KIAA0825: variants seen among roughly 807,000 people sequenced by gnomAD.
The protein encoded by KIAA0825 is KIAA0825, also known as uncharacterized protein KIAA0825.
KIAA0825 carries 119 observed loss-of-function variants against 147.6 expected under a neutral mutation model. That is an observed-to-expected ratio of 0.81 (90% confidence interval 0.69 to 0.94). KIAA0825 has a LOEUF of 0.94. Ranked by LOEUF, KIAA0825 falls within the 40% of genes least tolerant of loss-of-function variation. The pLI is 0.00. For missense variants in KIAA0825, 1,381 were observed against 1,472.7 expected (o/e 0.94, Z 1.02); for synonymous variants, 470 against 518.1 (o/e 0.91, Z 1.26).
chr5:94,291,396 T>A (rs955587221), intron 20 of KIAA0825, among the ~76,000 whole-genome samples: 2 of 152,220 alleles, frequency 1.3e-5, no homozygotes, highest in South Asian at 4.1e-4. Flanking sequence ...TTGTTTTTTG[T>A]CAGGTTTGTC....
chr5:94,342,366 A>G (rs918792975), intron 20 of KIAA0825, among the ~76,000 whole-genome samples: 5 of 152,242 alleles, frequency 3.3e-5, no homozygotes, highest in African/African-American at 9.6e-5. Flanking sequence ...AGGTTACTGC[A>G]GAATATACAC....
At chr5:94,214,243 T>C (rs1773008122) in intron 20 of KIAA0825, among the ~76,000 whole-genome samples, 1 of 152,132 alleles carries the variant, frequency 6.6e-6, no homozygotes, top group South Asian at 2.1e-4. Flanking sequence ...TTCCCTGCAA[T>C]TAGTGTGCTG....
At chr5:94,321,553 T>A (rs1330210094) in intron 20 of KIAA0825, among the ~76,000 whole-genome samples, 1 of 152,026 alleles carries the variant, frequency 6.6e-6, no homozygotes, top group South Asian at 2.1e-4. Flanking sequence ...AAGTAAAGCA[T>A]GTAAACTTAA....
chr5:94,557,016 C>T (rs1193565265), intron 2 of KIAA0825, among the ~76,000 whole-genome samples: 1 of 152,208 alleles, frequency 6.6e-6, no homozygotes, highest in Non-Finnish European at 1.5e-5. Flanking sequence ...TCCTAGTTTT[C>T]CATCTTGTCA....
At chr5:94,264,251 G>A (rs565990635) in intron 20 of KIAA0825, among the ~76,000 whole-genome samples, 14 of 152,200 alleles carry the variant, frequency 9.2e-5, no homozygotes, top group East Asian at 5.8e-4. Context: ...CTGATCAGCC[G>A]GTTAGGATCT....
At position 94,477,118 on chromosome 5, in the gene KIAA0825, C is replaced by T. The variant is rs1380335139; in HGVS notation, c.1220G>A (p.Gly407Glu). 12 of 1,549,682 alleles carry T rather than the reference C, an allele frequency of 7.7e-6. No individual in the cohort carries two copies. The Admixed American group carries it at 2.0e-4, about 25-fold the overall frequency. ...TNIPSEQSLP[G>E]KEATLLDFGW... ...TCTTTTTCCTTCACTTACCTCTTTTCCTGGTAGTGATTGCTCGGAAGGAAT... is the reference window on the plus strand; with the variant it reads ...TCTTTTTCCTTCACTTACCTCTTTTTCTGGTAGTGATTGCTCGGAAGGAAT... Residue 407 changes from glycine to glutamate, a missense_variant, in exon 7 of 21, where the codon GGA (glycine) becomes GAA (glutamate). By Grantham distance (98) the Gly-to-Glu change is moderately conservative (BLOSUM62 -2). Transcript: ENST00000682413.
intron 2 of KIAA0825, among the ~76,000 whole-genome samples, chr5:94,537,365 C>G (rs1395299564): frequency 1.3e-5 from 2 of 152,072 alleles, no homozygotes; most frequent in Non-Finnish European, 2.9e-5. Flanking sequence ...TGTTTGAAAG[C>G]TGAGGGCCGG....
Position 94,580,594 on chromosome 5 carries a change from C to CATAA in KIAA0825, c.-2+1838_-2+1839insTTAT, listed in dbSNP as rs1584952113. Among the ~76,000 whole-genome samples the CATAA allele has an allele frequency of 9.9e-3, 1,083 of 108,928 alleles. 133 individuals are homozygous for CATAA. Among genetic ancestry groups the CATAA allele is most frequent in the Middle Eastern group, 0.02 (5 of 248 alleles). The allele number at this position is 108,928 out of a possible 152,430, so 71.5% of individuals were successfully genotyped here. ...TAGGTTTTTTAAAAAATGCATAACA[C>CATAA]GGCCGGGCGCGGTGGCTCACGCCTG... is the stretch of plus-strand genomic sequence containing the variant. On this transcript the variant is annotated intron_variant, in intron 2 of 20. Transcript: ENST00000682413.
intron 20 of KIAA0825, among the ~76,000 whole-genome samples, chr5:94,356,818 G>T (rs916708766): frequency 1.4e-5 from 2 of 138,732 alleles, no homozygotes; most frequent in African/African-American, 2.7e-5. Context: ...TCCGCCTCCC[G>T]GGTTCAAGAG....
chr5:94,302,294 G>A (rs564188841), intron 20 of KIAA0825, among the ~76,000 whole-genome samples: 3 of 152,124 alleles, frequency 2.0e-5, no homozygotes, highest in Admixed American at 1.3e-4. Context: ...CACAGCCCGC[G>A]TCACTCTTCA....
chr5:94,519,382 T>G (rs1554298225), intron 5 of KIAA0825: 1 of 897,562 alleles, frequency 1.1e-6, no homozygotes, highest in South Asian at 5.2e-5. Context: ...CCTCAGATTT[T>G]ATATAAAAGC....
At chr5:94,616,543 C>T (rs938826093) in intron 1 of KIAA0825, among the ~76,000 whole-genome samples, 4 of 152,138 alleles carry the variant, frequency 2.6e-5, no homozygotes, top group South Asian at 2.1e-4. Context: ...CACACACACA[C>T]ACATGCACAC....
chr5:94,313,703 C>T (rs1414780735), intron 20 of KIAA0825, among the ~76,000 whole-genome samples: 5 of 151,174 alleles, frequency 3.3e-5, no homozygotes, highest in Admixed American at 1.3e-4. Context: ...GATTATTTTC[C>T]CCCCTCCTGG....
At chr5:94,356,725 C>CTTTTTCTTTT in intron 20 of KIAA0825, among the ~76,000 whole-genome samples, 1 of 116,722 alleles carries the variant, frequency 8.6e-6, no homozygotes. Context: ...AACTTGATTT[C>CTTTTTCTTTT]TTTTTTTTTT....
chr5:94,225,814 C>T (rs535601668), intron 20 of KIAA0825, among the ~76,000 whole-genome samples: 5 of 152,120 alleles, frequency 3.3e-5, no homozygotes, highest in Non-Finnish European at 7.4e-5. Context: ...ACATTTCTAA[C>T]AAAAATTGGT....
At chr5:94,523,749 T>C (rs1768692799) in intron 4 of KIAA0825, among the ~76,000 whole-genome samples, 181 bp downstream of exon 4, 1 of 151,462 alleles carries the variant, frequency 6.6e-6, no homozygotes, top group South Asian at 2.1e-4. Context: ...AAAATCATAG[T>C]TAAAAATTAA....
intron 20 of KIAA0825, among the ~76,000 whole-genome samples, chr5:94,198,732 G>C (rs1007273462): frequency 3.9e-5 from 6 of 152,098 alleles, no homozygotes; most frequent in African/African-American, 1.4e-4. Flanking sequence ...TAACCAACCG[G>C]TACGTTCTGC....
At chr5:94,472,305 C>G (rs1385361128) in intron 8 of KIAA0825, among the ~76,000 whole-genome samples, 1 of 152,124 alleles carries the variant, frequency 6.6e-6, no homozygotes, top group Non-Finnish European at 1.5e-5. Flanking sequence ...ATCTTCTCTT[C>G]CTTAATGGCA....
intron 20 of KIAA0825, among the ~76,000 whole-genome samples, chr5:94,220,225 T>G (rs1263044760): frequency 1.3e-5 from 2 of 152,200 alleles, no homozygotes; most frequent in African/African-American, 4.8e-5. Context: ...TCAATATCAC[T>G]GTCTTCCACT....
Sources: allele counts gnomAD v4.1 joint callset (sites outside exome capture counted in the v4.1 genomes callset), GRCh38; gene constraint gnomAD v4.1.1; transcripts MANE v1.5; gene names NCBI Gene and HGNC (gene_info 2026-07-23, HGNC 2026-07-21).